The following HIVEP3 variants were observed in gnomAD, a reference collection of about 807,000 sequenced individuals.
The protein encoded by HIVEP3 is HIVEP zinc finger 3.
In HIVEP3, 49 loss-of-function variants were observed where a neutral mutation model predicts 152.8. The observed-to-expected ratio is 0.32, with a 90% CI of 0.26 to 0.41. The LOEUF is 0.41. Ranked by LOEUF, HIVEP3 falls within the 10% of genes least tolerant of loss-of-function variation. The pLI is 1.00. For missense variants in HIVEP3, 2,790 were observed against 3,103.3 expected, an observed-to-expected ratio of 0.90 and a Z score of 2.40; for synonymous variants, 1,269 against 1,289.0, an observed-to-expected ratio of 0.98 and a Z score of 0.33.
intron 5 of HIVEP3, chr1:41,542,656 G>C (rs1020836525): frequency 6.6e-6 from 1 of 152,356 alleles, no homozygotes. Flanking sequence ...TCCTGCAGAG[G>C]CAGAGGCAGT....
intron 1 of HIVEP3, among the ~76,000 whole-genome samples, chr1:41,903,025 C>T (rs927986842): frequency 4.6e-5 from 7 of 152,322 alleles, no homozygotes; most frequent in Middle Eastern, 3.4e-3. Context: ...ACTTGGGTTA[C>T]ATTCCTGAGA....
At chr1:41,899,927 T>C (rs1467681087) in intron 1 of HIVEP3, among the ~76,000 whole-genome samples, 3 of 152,156 alleles carry the variant, frequency 2.0e-5, no homozygotes, top group Non-Finnish European at 2.9e-5. Context: ...AACCAAAACA[T>C]TCTCAGGCCA....
chr1:41,802,981 GT>G (rs1650394230), intron 1 of HIVEP3, among the ~76,000 whole-genome samples: 1 of 152,208 alleles, frequency 6.6e-6, no homozygotes, highest in African/African-American at 2.4e-5. Flanking sequence ...AGCTGGCAGG[GT>G]GCCCCCACTC....
chr1:41,563,269 C>A (rs1052813925), intron 5 of HIVEP3, among the ~76,000 whole-genome samples: 1 of 151,982 alleles, frequency 6.6e-6, no homozygotes, highest in African/African-American at 2.4e-5. Context: ...ATTTCTTGAA[C>A]CCAGGAGGCG....
In HIVEP3 at chr1:41,582,743, A is replaced by G. The variant is rs760445792; in HGVS notation, c.2055T>C (p.Ala685=). ...GCTCATGCTCAATCTGACTCTTTTC[A>G]GCTTCTGGAGATGTGTGGGTGCCTG... ...ISAGTHTSPE[A]EKSQIEHEPW... The change falls in exon 4 of 9, where the codon GCT becomes GCC. Residue 685 remains alanine (A), a synonymous_variant. Coordinates refer to ENST00000372583, the MANE Select transcript of HIVEP3 (RefSeq NM_024503.5). This position sits in a 1 kb window ranked among gnomAD's most constrained non-coding sequence, Gnocchi z 4.7. 3 of 1,613,928 alleles carry G rather than the reference A, an allele frequency of 1.9e-6. No individual in the cohort carries two copies. In the African/African-American group the frequency reaches 4.0e-5, roughly 22 times the overall value.
chr1:41,750,407 C>G (rs1185802652), intron 1 of HIVEP3, among the ~76,000 whole-genome samples: 1 of 152,156 alleles, frequency 6.6e-6, no homozygotes, highest in Non-Finnish European at 1.5e-5. Flanking sequence ...TCTAAGTGAG[C>G]CCACTCAAAG....
chr1:41,963,105 G>A (rs926905702), intron 1 of HIVEP3, among the ~76,000 whole-genome samples: 2 of 151,902 alleles, frequency 1.3e-5, no homozygotes, highest in African/African-American at 4.8e-5. Flanking sequence ...TCTGCCTCCC[G>A]GGTTCATGCC....
intron 1 of HIVEP3, among the ~76,000 whole-genome samples, chr1:41,852,213 G>T (rs781158711): frequency 5.3e-5 from 8 of 152,330 alleles, no homozygotes; most frequent in Non-Finnish European, 8.8e-5. Flanking sequence ...TGGGAGCCCC[G>T]GCTCAAGAGC....
intron 1 of HIVEP3, among the ~76,000 whole-genome samples, chr1:41,837,621 C>T (rs553402128): frequency 6.6e-6 from 1 of 152,344 alleles, no homozygotes; most frequent in African/African-American, 2.4e-5. Flanking sequence ...CCACCACGCC[C>T]GGCCTGCTCT....
At chr1:41,919,154 G>A (rs1442811325), upstream of HIVEP3, among the ~76,000 whole-genome samples, 1 of 152,110 alleles carries the variant, frequency 6.6e-6, no homozygotes. Context: ...TATACGTGGA[G>A]AGAAAAAATG....
chr1:41,556,923 T>G lies in HIVEP3; in HGVS notation c.5207+18621A>C, dbSNP rs1179661075. Among the ~76,000 whole-genome samples, 3 of 152,272 alleles carry G rather than the reference T, an allele frequency of 2.0e-5. No homozygotes were observed. In the East Asian group the frequency reaches 5.8e-4, roughly 29 times the overall value. On this transcript the variant is annotated intron_variant, in intron 5 of 8. Coordinates refer to ENST00000372583, the MANE Select transcript of HIVEP3 (RefSeq NM_024503.5). ...CATTGAATAGCCTTGGCAACCTTGC[T>G]GAAAATCATTTGACCATATTTGCTA...
intron 7 of HIVEP3, among the ~76,000 whole-genome samples, chr1:41,514,388 C>A (rs1411812985): frequency 6.6e-6 from 1 of 152,226 alleles, no homozygotes; most frequent in Admixed American, 6.5e-5. Flanking sequence ...CAGGACAGGG[C>A]AGTCACACTG....
At chr1:41,975,405 G>A (rs149153217) in intron 1 of HIVEP3, among the ~76,000 whole-genome samples, 64 of 152,288 alleles carry the variant, frequency 4.2e-4, no homozygotes, top group South Asian at 3.3e-3. Flanking sequence ...AATGCAGCAG[G>A]AATGCCCACC....
At chr1:41,829,552 G>C (rs1642901735) in intron 1 of HIVEP3, among the ~76,000 whole-genome samples, 1 of 151,378 alleles carries the variant, frequency 6.6e-6, no homozygotes, top group African/African-American at 2.4e-5. Flanking sequence ...AAGGGGCGGG[G>C]GGAATGTAAC....
intron 1 of HIVEP3, among the ~76,000 whole-genome samples, chr1:41,715,450 G>A (rs1646577154): frequency 6.6e-6 from 1 of 152,196 alleles, no homozygotes; most frequent in African/African-American, 2.4e-5. Flanking sequence ...GTGGGAAGAT[G>A]GATGGGGACT....
intron 1 of HIVEP3, among the ~76,000 whole-genome samples, chr1:41,835,546 G>A (rs541096657): frequency 2.6e-5 from 4 of 152,292 alleles, no homozygotes; most frequent in Admixed American, 1.3e-4. Context: ...AAAGTAACAC[G>A]ATTCAGTCCA....
chr1:41,917,218 T>A (rs1644884519), intron 1 of HIVEP3, among the ~76,000 whole-genome samples: 1 of 152,086 alleles, frequency 6.6e-6, no homozygotes, highest in South Asian at 2.1e-4. Context: ...GTCTGATCAT[T>A]ACATAATCAC....
At chr1:41,577,894 C>T (rs1644350239) in intron 4 of HIVEP3, among the ~76,000 whole-genome samples, 1 of 152,152 alleles carries the variant, frequency 6.6e-6, no homozygotes, top group Admixed American at 6.5e-5. Context: ...ACTAATGTAC[C>T]AGATTGGTGC....
intron 1 of HIVEP3, among the ~76,000 whole-genome samples, chr1:41,738,634 G>T: frequency 6.6e-6 from 1 of 152,262 alleles, no homozygotes; most frequent in South Asian, 2.1e-4. Flanking sequence ...CTGGACTCAG[G>T]CTTGGAAACC....
Sources: allele counts gnomAD v4.1 joint callset (sites outside exome capture counted in the v4.1 genomes callset), GRCh38; gene constraint gnomAD v4.1.1; non-coding constraint Gnocchi (gnomAD v3.1); transcripts MANE v1.5; gene names NCBI Gene and HGNC (gene_info 2026-07-23, HGNC 2026-07-21).